The following SRGAP2 variants were observed in gnomAD, a reference collection of about 807,000 sequenced individuals.
SRGAP2 encodes SLIT-ROBO Rho GTPase-activating protein 2.
SRGAP2 carries 15 observed loss-of-function variants against 57.2 expected under a neutral mutation model. That is an observed-to-expected ratio of 0.26 (90% CI 0.18 to 0.40). The LOEUF is 0.40. Ranked by LOEUF, SRGAP2 falls within the 10% of genes least tolerant of loss-of-function variation. The pLI is 1.00. For missense variants in SRGAP2, 520 were observed against 669.6 expected, an observed-to-expected ratio of 0.78 and a Z score of 2.47; for synonymous variants, 249 against 248.0, an observed-to-expected ratio of 1.00 and a Z score of -0.04.
intron 10 of SRGAP2, among the ~76,000 whole-genome samples, chr1:206,410,764 C>T (rs2103190308): frequency 6.6e-6 from 1 of 152,306 alleles, no homozygotes; most frequent in Middle Eastern, 3.4e-3. Flanking sequence ...ATGAATGTGC[C>T]ATCATTTGTT....
chr1:206,394,519 T>A (rs1391949951), intron 7 of SRGAP2, among the ~76,000 whole-genome samples: 2 of 152,200 alleles, frequency 1.3e-5, no homozygotes, highest in Non-Finnish European at 2.9e-5. Flanking sequence ...TAAGCATTGC[T>A]GTCTCCAGTT....
At chr1:206,444,536 C>T (rs781925464) in intron 17 of SRGAP2, among the ~76,000 whole-genome samples, 64 of 152,198 alleles carry the variant, frequency 4.2e-4, no homozygotes, top group Non-Finnish European at 7.8e-4. Flanking sequence ...AGTATCAAGG[C>T]CTTCCTCCTC....
At chr1:206,452,285 G>A (rs1663386594) in intron 19 of SRGAP2, among the ~76,000 whole-genome samples, 1 of 152,082 alleles carries the variant, frequency 6.6e-6, no homozygotes, top group Non-Finnish European at 1.5e-5. Flanking sequence ...TTACTTTCAT[G>A]TGCATTTTTT....
At chr1:206,304,661 T>C (rs1672084171) in intron 3 of SRGAP2, among the ~76,000 whole-genome samples, 1 of 149,732 alleles carries the variant, frequency 6.7e-6, no homozygotes, top group Non-Finnish European at 1.5e-5. Context: ...TGCTCCATTG[T>C]GATCGGAGTT....
At chr1:206,333,284 C>A in intron 3 of SRGAP2, 1 of 1,169,930 alleles carries the variant, frequency 8.5e-7, no homozygotes. Flanking sequence ...CGGAGCTGTT[C>A]CTATTCGGCC....
Position 206,333,431 on chromosome 1 carries a change from T to G in SRGAP2, c.261-9415T>G, listed in dbSNP as rs1674529316. The G allele has an allele frequency of 1.5e-5, 22 of 1,433,744 alleles. No individual in the cohort carries two copies. The South Asian group carries it at 2.5e-4, about 17-fold the overall frequency. 88.8% of individuals were successfully genotyped at this position (1,433,744 alleles called of 1,614,324 possible). ...CAGCTTCTTCAAGGTATCACTGAGA[T>G]TATCCATGTTGCTCCCCGAGGGTGA... is the stretch of plus-strand genomic sequence containing the variant. On this transcript the variant is annotated intron_variant, in intron 3 of 22. Transcript: ENST00000573034.
intron 17 of SRGAP2, among the ~76,000 whole-genome samples, chr1:206,442,573 G>A (rs1662404195): frequency 6.6e-6 from 1 of 152,236 alleles, no homozygotes; most frequent in Non-Finnish European, 1.5e-5. Flanking sequence ...GCTGCTTGCA[G>A]AGATGGCAGC....
intron 15 of SRGAP2, among the ~76,000 whole-genome samples, chr1:206,437,447 T>C (rs1162001621): frequency 6.6e-6 from 1 of 152,252 alleles, no homozygotes; most frequent in Non-Finnish European, 1.5e-5. Context: ...TCCGTCACTG[T>C]AATGGATATA....
intron 2 of SRGAP2, among the ~76,000 whole-genome samples, chr1:206,273,884 T>C (rs1571735357): frequency 2.0e-5 from 3 of 150,772 alleles, no homozygotes; most frequent in South Asian, 2.1e-4. Flanking sequence ...AGTGTAGACG[T>C]TGTGGGACCA....
chr1:206,353,456 G>A (rs1244983490), intron 4 of SRGAP2, among the ~76,000 whole-genome samples: 7 of 151,892 alleles, frequency 4.6e-5, no homozygotes, highest in Non-Finnish European at 7.4e-5. Flanking sequence ...AGACCAGCCT[G>A]GCCAACATGG....
At chr1:206,289,484 A>G (rs1671194845) in intron 2 of SRGAP2, among the ~76,000 whole-genome samples, 1 of 151,534 alleles carries the variant, frequency 6.6e-6, no homozygotes, top group Non-Finnish European at 1.5e-5. Flanking sequence ...TCACTGTGTT[A>G]GCCAGGATGG....
intron 5 of SRGAP2, among the ~76,000 whole-genome samples, chr1:206,386,114 A>G (rs1358144037): frequency 6.6e-6 from 1 of 152,210 alleles, no homozygotes; most frequent in African/African-American, 2.4e-5. Flanking sequence ...GATTGTCACA[A>G]CTGGAGGAGT....
At chr1:206,390,411 T>A (rs2103089574) in intron 5 of SRGAP2, among the ~76,000 whole-genome samples, 1 of 149,930 alleles carries the variant, frequency 6.7e-6, no homozygotes, top group South Asian at 2.1e-4. Flanking sequence ...CTTTAAGTTT[T>A]TTAGGGGAAA....
In SRGAP2 at chr1:206,203,598, G is replaced by A. The variant is rs372172466; in HGVS notation, c.-595G>A. ...GTGGCGGGGAAGAGAGGGGAGGAGA[G>A]CTCTGAGTGGGAAGCGGAGCCGGGG... On this transcript the variant is annotated 5_prime_UTR_variant, in exon 1 of 23. Transcript: ENST00000573034. 6 of 595,784 alleles carry A rather than the reference G, an allele frequency of 1.0e-5. No individual in the cohort carries two copies. Among genetic ancestry groups the A allele is most frequent in the African/African-American group, 1.9e-5 (1 of 53,588 alleles). The allele number at this position is 595,784 out of a possible 1,614,324, so 36.9% of individuals were successfully genotyped here.
In SRGAP2 at chr1:206,463,163, A is replaced by G. The variant is rs1301464600; in HGVS notation, c.*1743A>G. The G allele has an allele frequency of 8.0e-5, 12 of 149,592 alleles. No homozygotes were observed. Among genetic ancestry groups the G allele is most frequent in the Admixed American group, 7.3e-4 (11 of 14,994 alleles). The allele number at this position is 149,592 out of a possible 1,614,324, so 9.3% of individuals were successfully genotyped here. A position where few individuals can be genotyped will look rare whatever the true frequency, so the allele number is the denominator to read the frequency against. Reference sequence around the variant, plus strand: ...AAGTGGTAGGATTTTTTTTTTTTTAATCCTGTGCAAAGGAAAAGAGGTGCT... The same window carrying G: ...AAGTGGTAGGATTTTTTTTTTTTTAGTCCTGTGCAAAGGAAAAGAGGTGCT... On this transcript the variant is annotated 3_prime_UTR_variant, in exon 23 of 23. Coordinates refer to ENST00000573034, the MANE Select transcript of SRGAP2 (RefSeq NM_015326.5).
intron 2 of SRGAP2, among the ~76,000 whole-genome samples, chr1:206,267,158 C>G (rs1195282856): frequency 6.6e-6 from 1 of 151,734 alleles, no homozygotes; most frequent in South Asian, 2.1e-4. Flanking sequence ...TTAGTAGAGA[C>G]GGGGTTTCAC....
At chr1:206,427,704 T>C (rs11120031) in intron 13 of SRGAP2, among the ~76,000 whole-genome samples, 3,513 of 152,300 alleles carry the variant, frequency 0.023, 54 homozygotes, top group African/African-American at 0.039. Context: ...CTTGACAGTC[T>C]GGTCTCTGTC....
rs1298060273 is a variant in SRGAP2, at chr1:206,456,777, G to A, written c.2507+1753G>A. On this transcript the variant is annotated intron_variant, in intron 21 of 22. Transcript: ENST00000573034. Reference sequence around the variant, plus strand: ...CATGTCTGGCCCTTAGAAGTGAGTCGGCCTTTGAGTCTTACCTCCTGCCCC... The same window carrying A: ...CATGTCTGGCCCTTAGAAGTGAGTCAGCCTTTGAGTCTTACCTCCTGCCCC... 3.3e-5 allele frequency among the ~76,000 whole-genome samples: 5 copies of A among 151,878 alleles called. No individual in the cohort carries two copies. In the East Asian group the frequency reaches 5.8e-4, roughly 18 times the overall value.
At chr1:206,363,441 G>A (rs1211484816) in intron 4 of SRGAP2, among the ~76,000 whole-genome samples, 24 of 152,234 alleles carry the variant, frequency 1.6e-4, no homozygotes, top group African/African-American at 2.6e-4. Flanking sequence ...AAAAAATCTC[G>A]TATAAGCACA....
Sources: allele counts gnomAD v4.1 joint callset (sites outside exome capture counted in the v4.1 genomes callset), GRCh38; gene constraint gnomAD v4.1.1; transcripts MANE v1.5; gene names NCBI Gene and HGNC (gene_info 2026-07-23, HGNC 2026-07-21).